Variants in SLC39A11 observed in about 807,000 individuals in gnomAD.
SLC39A11 encodes solute carrier family 39 member 11.
A neutral mutation model predicts 36.1 loss-of-function variants in SLC39A11; 33 were observed. The ratio of observed to expected loss-of-function variants is 0.91; its 90% CI spans 0.69 to 1.22. The LOEUF (loss-of-function observed/expected upper bound fraction) is 1.22. Among genes scored for constraint, SLC39A11 ranks in the 50% most tolerant of loss-of-function variants. The pLI, the probability that SLC39A11 is intolerant of heterozygous loss-of-function variation, is 0.00. For missense variants in SLC39A11, 432 were observed against 430.3 expected (o/e 1.00, Z -0.03); for synonymous variants, 166 against 170.3 (o/e 0.97, Z 0.20).
chr17:73,082,094 TC>T (rs1366176965), intron 3 of SLC39A11, among the ~76,000 whole-genome samples: 9 of 108,560 alleles, frequency 8.3e-5, no homozygotes, highest in Non-Finnish European at 1.4e-4. Flanking sequence ...CATCACCTGT[TC>T]CCCCCAAAAC....
chr17:72,752,420 T>C (rs555633109), intron 6 of SLC39A11, among the ~76,000 whole-genome samples: 34 of 151,978 alleles, frequency 2.2e-4, no homozygotes, highest in Non-Finnish European at 1.5e-4. Context: ...AACTTTAGTA[T>C]TTTTAGTAGA....
At chr17:72,949,919 G>C (rs1429915971) in intron 4 of SLC39A11, among the ~76,000 whole-genome samples, 1 of 150,238 alleles carries the variant, frequency 6.7e-6, no homozygotes, top group Non-Finnish European at 1.5e-5. Context: ...TTTCATGAAG[G>C]AATCTCACAA....
At chr17:72,919,745 C>T (rs2083545712) in intron 5 of SLC39A11, among the ~76,000 whole-genome samples, 1 of 151,746 alleles carries the variant, frequency 6.6e-6, no homozygotes. Flanking sequence ...TGATGATGAC[C>T]CCGCGTGGGG....
intron 7 of SLC39A11, among the ~76,000 whole-genome samples, chr17:72,670,007 CAT>C (rs1221991410): frequency 7.0e-5 from 10 of 142,344 alleles, no homozygotes; most frequent in African/African-American, 1.6e-4. Flanking sequence ...TGTATATACA[CAT>C]ATATATACGT....
chr17:72,690,434 G>A (rs1368612728), intron 7 of SLC39A11, among the ~76,000 whole-genome samples: 1 of 152,172 alleles, frequency 6.6e-6, no homozygotes, highest in Non-Finnish European at 1.5e-5. Flanking sequence ...GGGTTTGGAG[G>A]ATTAGCTTCT....
intron 5 of SLC39A11, among the ~76,000 whole-genome samples, chr17:72,929,252 G>T (rs1030120676): frequency 6.6e-6 from 1 of 152,158 alleles, no homozygotes; most frequent in Non-Finnish European, 1.5e-5. Context: ...GGGCATTTCT[G>T]CCCCATGCAC....
At chr17:72,762,858 T>A (rs1037600650) in intron 6 of SLC39A11, among the ~76,000 whole-genome samples, 1 of 152,152 alleles carries the variant, frequency 6.6e-6, no homozygotes, top group African/African-American at 2.4e-5. Context: ...GCGGTTCCAC[T>A]CTCACCCATG....
intron 6 of SLC39A11, among the ~76,000 whole-genome samples, chr17:72,755,219 G>A (rs971846310): frequency 3.9e-5 from 6 of 152,222 alleles, no homozygotes; most frequent in African/African-American, 1.4e-4. Context: ...AAAGGTCTGT[G>A]AATTTGTCTG....
intron 5 of SLC39A11, among the ~76,000 whole-genome samples, chr17:72,862,255 G>A (rs935305074): frequency 5.3e-5 from 8 of 152,194 alleles, no homozygotes; most frequent in Non-Finnish European, 8.8e-5. Flanking sequence ...TGAGATGGAA[G>A]TGTTGGGTCA....
chr17:72,686,213 C>A (rs1598342546), intron 7 of SLC39A11, among the ~76,000 whole-genome samples: 1 of 152,122 alleles, frequency 6.6e-6, no homozygotes, highest in African/African-American at 2.4e-5. Flanking sequence ...TCTCTATCTG[C>A]CTTTTTCCTG....
intron 7 of SLC39A11, among the ~76,000 whole-genome samples, chr17:72,729,941 C>T (rs1195525186): frequency 6.6e-6 from 1 of 152,046 alleles, no homozygotes; most frequent in Non-Finnish European, 1.5e-5. Context: ...ATCTTTTCTG[C>T]TATTGACTTT....
intron 5 of SLC39A11, among the ~76,000 whole-genome samples, chr17:72,895,656 C>CACCCTTACCCT (rs1285202106): frequency 6.6e-6 from 1 of 152,022 alleles, no homozygotes; most frequent in Non-Finnish European, 1.5e-5. Flanking sequence ...GAGCCTCTGC[C>CACCCTTACCCT]ACCCTTACCC....
At position 72,667,453 on chromosome 17, in the gene SLC39A11, C is replaced by T. The variant is rs553477945; in HGVS notation, c.672-18185G>A. On this transcript the variant is annotated intron_variant, in intron 7 of 9. Transcript: ENST00000255559. ...ATTTTTGGACTTGCTTTCTAGCTAG[C>T]CAGGGACTCAGTGCTTTGCCATTGG... Among the ~76,000 whole-genome samples the T allele has an allele frequency of 1.7e-3, 258 of 152,324 alleles. 1 individual carries two copies. Among genetic ancestry groups the T allele is most frequent in the Middle Eastern group, 3.4e-3 (1 of 294 alleles).
intron 5 of SLC39A11, among the ~76,000 whole-genome samples, chr17:72,931,011 G>A (rs1360841055): frequency 1.3e-5 from 2 of 152,156 alleles, no homozygotes; most frequent in Non-Finnish European, 2.9e-5. Flanking sequence ...GGCTGCACGT[G>A]GCAGCCCTGG....
intron 7 of SLC39A11, among the ~76,000 whole-genome samples, chr17:72,657,274 C>G (rs576508389): frequency 6.6e-6 from 1 of 152,144 alleles, no homozygotes; most frequent in Admixed American, 6.5e-5. Flanking sequence ...GCATGAGAAT[C>G]GCTTGAACCC....
chr17:72,921,099 C>T (rs1474845160), intron 5 of SLC39A11, among the ~76,000 whole-genome samples: 1 of 152,152 alleles, frequency 6.6e-6, no homozygotes, highest in African/African-American at 2.4e-5. Flanking sequence ...CAGTAATGTG[C>T]AGTGCCTAGA....
At chr17:72,782,652 C>T (rs2076356346) in intron 6 of SLC39A11, among the ~76,000 whole-genome samples, 1 of 138,184 alleles carries the variant, frequency 7.2e-6, no homozygotes, top group African/African-American at 2.7e-5. Context: ...TGCATCACTT[C>T]ACTCCAGCCT....
rs1555683319 is a variant in SLC39A11, at chr17:73,026,531, A to AAAAG, written c.306+5021_306+5024dup. Among the ~76,000 whole-genome samples, 137 of 150,406 alleles carry AAAAG rather than the reference A, an allele frequency of 9.1e-4. 1 individual carries two copies. The highest frequency in any genetic ancestry group is 3.0e-3 in the African/African-American group (122 of 40,430). ...CGAAACTACATCAAAAAAAAAAAAA[A>AAAAG]AAAGAAAGAAAGAAAGAAAAGAGAA... is the stretch of plus-strand genomic sequence containing the variant. On this transcript the variant is annotated intron_variant, in intron 4 of 9. Transcript: ENST00000255559.
intron 4 of SLC39A11, among the ~76,000 whole-genome samples, chr17:72,969,753 G>A (rs930941152): frequency 2.0e-5 from 3 of 152,132 alleles, no homozygotes; most frequent in Admixed American, 6.5e-5. Flanking sequence ...CTAGGGAAAC[G>A]GATGGCAACA....
Sources: gnomAD v4.1 joint callset for allele counts (sites outside exome capture counted in the v4.1 genomes callset) on GRCh38, gnomAD v4.1.1 for gene constraint, MANE v1.5 for transcripts, NCBI Gene and HGNC (gene_info 2026-07-23, HGNC 2026-07-21) for gene names.